The following CLVS1 variants were observed in gnomAD, a reference collection of about 807,000 sequenced individuals.
CLVS1 encodes the protein clavesin-1.
A neutral mutation model predicts 33.1 loss-of-function variants in CLVS1; 10 were observed. The ratio of observed to expected loss-of-function variants is 0.30; its 90% CI spans 0.19 to 0.51. The LOEUF (loss-of-function observed/expected upper bound fraction) is 0.51, where lower values mean the gene tolerates loss of function less well. Ranked by LOEUF, CLVS1 falls within the 20% of genes least tolerant of loss-of-function variation. The probability of loss-of-function intolerance (pLI) is 0.97; values close to 1 mark genes in which losing one functional copy is unlikely to be tolerated. For missense variants in CLVS1, 343 were observed against 433.4 expected, an observed-to-expected ratio of 0.79 and a Z score of 1.85; for synonymous variants, 163 against 166.1, an observed-to-expected ratio of 0.98 and a Z score of 0.14.
intron 5 of CLVS1, among the ~76,000 whole-genome samples, chr8:61,478,806 A>G (rs552213049): frequency 7.9e-5 from 12 of 152,190 alleles, no homozygotes; most frequent in Non-Finnish European, 1.8e-4. Context: ...TGGAGCATTT[A>G]GCCCATTTAC....
At position 61,294,475 on chromosome 8, in the gene CLVS1, C is replaced by T. The variant is rs542071624; in HGVS notation, c.-151-5202C>T. Among the ~76,000 whole-genome samples, 13 of 152,154 alleles carry T rather than the reference C, an allele frequency of 8.5e-5. No homozygotes were observed. The South Asian group carries it at 1.5e-3, about 17-fold the overall frequency. The stretch of plus-strand genomic sequence containing the variant: ...TGTACCCCGAATATTTACCTGGATA[C>T]AGCATAATTATAATATCAACAAGAA... On this transcript the variant is annotated intron_variant, in intron 1 of 5. Transcript: ENST00000325897.
At chr8:60,987,566 A>G in the CLVS1 span, among the ~76,000 whole-genome samples, 730 of 152,300 alleles carry the variant, frequency 4.8e-3, 5 homozygotes, top group African/African-American at 0.017. Flanking sequence ...CTGATTTAAA[A>G]AAATAAATGA....
chr8:60,995,105 A>C, the CLVS1 span, among the ~76,000 whole-genome samples: 115 of 152,360 alleles, frequency 7.5e-4, no homozygotes, highest in African/African-American at 2.5e-3. Flanking sequence ...AGGCATGGGC[A>C]AGGACTTCAT....
intron 2 of CLVS1, among the ~76,000 whole-genome samples, chr8:61,239,063 A>C (rs1278551973): frequency 6.6e-6 from 1 of 152,232 alleles, no homozygotes; most frequent in Non-Finnish European, 1.5e-5. Context: ...TACCTTTGCC[A>C]CTTGGACAGT....
chr8:61,436,298 C>G (rs758337000), intron 3 of CLVS1, among the ~76,000 whole-genome samples: 4 of 152,164 alleles, frequency 2.6e-5, no homozygotes, highest in Admixed American at 2.6e-4. Flanking sequence ...ATACCACATG[C>G]CTCTTCAGTT....
chr8:61,077,668 G>T (rs753882841), intron 1 of CLVS1, among the ~76,000 whole-genome samples: 10 of 152,124 alleles, frequency 6.6e-5, no homozygotes, highest in Non-Finnish European at 1.3e-4. Flanking sequence ...TAGAGACGAG[G>T]TTTCACTGTG....
intron 5 of CLVS1, among the ~76,000 whole-genome samples, chr8:61,481,994 C>T (rs1019656196): frequency 6.6e-5 from 10 of 152,180 alleles, no homozygotes; most frequent in African/African-American, 9.7e-5. Flanking sequence ...CCCTCTGAGA[C>T]GAAGCTTCCA....
At chr8:61,498,239 G>A (rs1804337422) in intron 5 of CLVS1, among the ~76,000 whole-genome samples, 1 of 152,124 alleles carries the variant, frequency 6.6e-6, no homozygotes, top group African/African-American at 2.4e-5. Context: ...ACAAAACCAA[G>A]CATGCACTAT....
chr8:61,453,085 A>AC (rs1817021812), intron 3 of CLVS1, among the ~76,000 whole-genome samples: 2 of 55,152 alleles, frequency 3.6e-5, no homozygotes, highest in South Asian at 4.2e-4. Flanking sequence ...CATCTTGCTA[A>AC]CATTTTTTTT....
chr8:61,162,720 C>A (rs1174060379), intron 2 of CLVS1, among the ~76,000 whole-genome samples: 1 of 152,176 alleles, frequency 6.6e-6, no homozygotes, highest in Non-Finnish European at 1.5e-5. Context: ...TTGTCTCTAT[C>A]TTTCTGTGTT....
At chr8:61,474,571 A>T (rs1301412699) in intron 5 of CLVS1, among the ~76,000 whole-genome samples, 1 of 152,186 alleles carries the variant, frequency 6.6e-6, no homozygotes, top group African/African-American at 2.4e-5. Context: ...CTCAATGCTA[A>T]TAGCAAAGAT....
At chr8:61,311,383 C>T (rs560913138) in intron 2 of CLVS1, among the ~76,000 whole-genome samples, 48 of 152,292 alleles carry the variant, frequency 3.2e-4, no homozygotes, top group African/African-American at 1.2e-3. Context: ...CCACTTCATC[C>T]AGGGCTCAGC....
chr8:61,307,006 G>A (rs1810652061), intron 2 of CLVS1, among the ~76,000 whole-genome samples: 1 of 152,210 alleles, frequency 6.6e-6, no homozygotes, highest in African/African-American at 2.4e-5. Flanking sequence ...CCTTGTTTTA[G>A]TGATCCTACC....
chr8:61,123,049 C>T lies in CLVS1; in HGVS notation c.-242-8721C>T, dbSNP rs912461857. ...CTTTGGGAGGCCAAGGCAGGTGGAT[C>T]ACCTGAGGTCGGGAGTTCAAGACCA... On this transcript the variant is annotated intron_variant, in intron 1 of 2. Transcript: ENST00000522621. 8.4e-5 allele frequency among the ~76,000 whole-genome samples: 12 copies of T among 143,622 alleles called. 1 individual carries two copies. The highest frequency in any genetic ancestry group is 2.8e-4 in the African/African-American group (11 of 39,584). The allele number at this position is 143,622 out of a possible 152,430, so 94.2% of individuals were successfully genotyped here.
chr8:61,278,116 G>A (rs1452273414), intron 2 of CLVS1, among the ~76,000 whole-genome samples: 1 of 152,116 alleles, frequency 6.6e-6, no homozygotes, highest in African/African-American at 2.4e-5. Flanking sequence ...CCTAATTTTA[G>A]GCAAATTGTG....
Position 61,156,214 on chromosome 8 carries a change from CAAAAAAAA to C in CLVS1, c.-152+24367_-152+24374del, listed in dbSNP as rs56094016. 3.6e-5 allele frequency among the ~76,000 whole-genome samples: 2 copies of C among 56,328 alleles called. 1 individual carries two copies. The highest frequency in any genetic ancestry group is 5.9e-5 in the Non-Finnish European group (2 of 34,054). The allele number at this position is 56,328 out of a possible 152,430, so 37.0% of individuals were successfully genotyped here. A position where few individuals can be genotyped will look rare whatever the true frequency, so the allele number is the denominator to read the frequency against. ...TGGGCTACAGAGAGAGATTCCATCT[CAAAAAAAA>C]AAAAAAAAAAAAGCCTTTGCTGGCT... On this transcript the variant is annotated intron_variant, in intron 2 of 2. Coordinates refer to the CLVS1 transcript ENST00000522621.
At chr8:61,244,955 A>T (rs1808775969) in intron 2 of CLVS1, among the ~76,000 whole-genome samples, 1 of 152,152 alleles carries the variant, frequency 6.6e-6, no homozygotes, top group African/African-American at 2.4e-5. Context: ...CCTGTCAAGA[A>T]TTTCTTTACA....
chr8:61,074,009 CAAAAAA>C (rs35959369), intron 1 of CLVS1, among the ~76,000 whole-genome samples: 29 of 70,378 alleles, frequency 4.1e-4, no homozygotes, highest in African/African-American at 1.4e-3. Context: ...GACTCCGTCT[CAAAAAA>C]AAAAAAAAAA....
At chr8:61,319,502 GA>G (rs952517703) in intron 2 of CLVS1, among the ~76,000 whole-genome samples, 3 of 152,110 alleles carry the variant, frequency 2.0e-5, no homozygotes, top group African/African-American at 7.2e-5. Flanking sequence ...TTTATGTGGG[GA>G]GACCAGTTTT....
Sources: allele counts gnomAD v4.1 joint callset (sites outside exome capture counted in the v4.1 genomes callset), GRCh38; gene constraint gnomAD v4.1.1; transcripts MANE v1.5; gene names NCBI Gene and HGNC (gene_info 2026-07-23, HGNC 2026-07-21).